Variants in ENPP3 observed in about 807,000 individuals in gnomAD.
ENPP3 encodes ectonucleotide pyrophosphatase/phosphodiesterase family member 3.
ENPP3 carries 104 observed loss-of-function variants against 117.8 expected under a neutral mutation model. That is an observed-to-expected ratio of 0.88 (90% CI 0.75 to 1.04). ENPP3 has a LOEUF of 1.04. Ranked by LOEUF, ENPP3 falls within the 50% of genes least tolerant of loss-of-function variation. ENPP3 has a pLI of 0.00. For synonymous variants in ENPP3, 380 were observed against 349.9 expected, an observed-to-expected ratio of 1.09 and a Z score of -0.96; for missense variants, 1,026 against 1,051.9, an observed-to-expected ratio of 0.98 and a Z score of 0.34.
At chr6:131,656,977 G>T (rs55824194) in intron 5 of ENPP3, among the ~76,000 whole-genome samples, 5,715 of 152,082 alleles carry the variant, frequency 0.038, 178 homozygotes, top group African/African-American at 0.084. Flanking sequence ...AGAGACAAGT[G>T]ACCCTGTCTT....
At chr6:131,725,588 T>A (rs948299805) in intron 19 of ENPP3, among the ~76,000 whole-genome samples, 3 of 152,200 alleles carry the variant, frequency 2.0e-5, no homozygotes, top group Non-Finnish European at 2.9e-5. Context: ...TAGAGACACA[T>A]AAACATTCTG....
chr6:131,639,078 C>A (rs1466063292), intron 1 of ENPP3, among the ~76,000 whole-genome samples: 1 of 151,866 alleles, frequency 6.6e-6, no homozygotes, highest in Non-Finnish European at 1.5e-5. Context: ...TTTAAGGTCA[C>A]CGCTATTCTC....
Position 131,675,168 on chromosome 6 carries a change from C to T in ENPP3, c.851C>T (p.Ser284Phe). The T allele has an allele frequency of 6.2e-7, 1 of 1,605,540 alleles. No individual in the cohort carries two copies. The highest frequency in any genetic ancestry group is 8.5e-7 in the Non-Finnish European group (1 of 1,172,308). Residue 284 changes from serine (S) to phenylalanine (F), a missense_variant, in exon 9 of 25, where the codon TCC (serine) becomes TTC (phenylalanine). Physicochemically the swap from Ser to Phe is radical, Grantham distance 155. Transcript: ENST00000357639. ...GTGGCTATAAATGGCTCCTTTCCTT[C>T]CATATACATGCCTTACAACGGGTAG... is the stretch of plus-strand genomic sequence containing the variant. The part of the protein sequence containing the change: ...SEVAINGSFP[S>F]IYMPYNGSVP...
intron 11 of ENPP3, among the ~76,000 whole-genome samples, chr6:131,679,500 T>C: frequency 6.7e-6 from 1 of 150,290 alleles, no homozygotes; most frequent in East Asian, 2.0e-4. Context: ...TGAGATTAGG[T>C]ACCATGTCCT....
intron 3 of ENPP3, among the ~76,000 whole-genome samples, chr6:131,651,657 G>C (rs1477835366): frequency 6.6e-6 from 1 of 152,178 alleles, no homozygotes; most frequent in Non-Finnish European, 1.5e-5. Flanking sequence ...AATCTGGGAA[G>C]GTGGTGGTGG....
At chr6:131,639,993 C>G (rs1310182932) in intron 1 of ENPP3, among the ~76,000 whole-genome samples, 5 of 151,882 alleles carry the variant, frequency 3.3e-5, no homozygotes, top group Non-Finnish European at 5.9e-5. Flanking sequence ...AATAAATAAG[C>G]CTTTTACTCT....
At chr6:131,720,415 G>C (rs893099088) in intron 17 of ENPP3, 36 bp downstream of exon 17, 2 of 1,108,040 alleles carry the variant, frequency 1.8e-6, no homozygotes, top group East Asian at 2.5e-5. Context: ...AACAAAATAT[G>C]GATAGTTTTA....
chr6:131,671,826 A>G (rs1254266781), intron 7 of ENPP3, among the ~76,000 whole-genome samples: 4 of 152,226 alleles, frequency 2.6e-5, no homozygotes, highest in Admixed American at 2.6e-4. Context: ...AGAATGTGTG[A>G]AAAGTGTATA....
Position 131,733,685 on chromosome 6 carries a change from C to A in ENPP3, c.2051C>A (p.Ala684Glu), listed in dbSNP as rs752566633. The A allele has an allele frequency of 6.2e-7, 1 of 1,614,082 alleles. No individual in the cohort carries two copies. The highest frequency in any genetic ancestry group is 8.5e-7 in the Non-Finnish European group (1 of 1,179,964). The change falls in exon 21 of 25, where the codon GCA becomes GAA. Residue 684 changes from alanine to glutamate, a missense_variant. By Grantham distance (107) the Ala-to-Glu change is moderately radical (BLOSUM62 -1). Transcript: ENST00000357639. ...SESQKCSFYLADKNITHGFLY... is the reference protein window; with the variant it reads ...SESQKCSFYLEDKNITHGFLY... Reference sequence around the variant, plus strand: ...AGCCAAAAATGTTCCTTCTATTTAGCAGACAAGAATATCACCCACGGCTTC... The same window carrying A: ...AGCCAAAAATGTTCCTTCTATTTAGAAGACAAGAATATCACCCACGGCTTC...
chr6:131,679,003 TTCCTTCCTTCCTTCCTTCCTTCC>T (rs1778949360), intron 11 of ENPP3, among the ~76,000 whole-genome samples: 1 of 77,482 alleles, frequency 1.3e-5, no homozygotes, highest in African/African-American at 5.5e-5. Context: ...CCTTCCTTGC[TTCCTTCCTTCCTTCCTTCCTTCC>T]TTCTTTCTTT....
In ENPP3 at chr6:131,738,491, A is replaced by C. The variant is rs963233389; in HGVS notation, c.2300+328A>C. 3.9e-5 allele frequency among the ~76,000 whole-genome samples: 6 copies of C among 152,254 alleles called. No individual in the cohort carries two copies. In the East Asian group the frequency reaches 1.2e-3, roughly 29 times the overall value. The stretch of plus-strand genomic sequence containing the variant: ...TGTACTATCAATGAGTATAAAACCA[A>C]TCCAACAGTAAATGAAAAAAAAGTC... On this transcript the variant is annotated intron_variant, in intron 23 of 24. Coordinates refer to ENST00000357639, the MANE Select transcript of ENPP3 (RefSeq NM_005021.5).
At chr6:131,669,831 C>T (rs1240135966) in intron 6 of ENPP3, among the ~76,000 whole-genome samples, 1 of 152,028 alleles carries the variant, frequency 6.6e-6, no homozygotes, top group Non-Finnish European at 1.5e-5. Flanking sequence ...GGGAAGGAGA[C>T]CAACCCCATG....
At chr6:131,739,879 T>C (rs1780489539) in intron 23 of ENPP3, among the ~76,000 whole-genome samples, 1 of 150,060 alleles carries the variant, frequency 6.7e-6, no homozygotes, top group South Asian at 2.1e-4. Flanking sequence ...AAGACCAGCT[T>C]GGGCAACAAA....
chr6:131,675,056 C>G (rs377543605), intron 8 of ENPP3, 24 bp from the exon 9 acceptor site: 3 of 1,445,436 alleles, frequency 2.1e-6, no homozygotes, highest in Non-Finnish European at 2.9e-6. Flanking sequence ...TACTGACTTT[C>G]GCTTATCCTA....
intron 6 of ENPP3, among the ~76,000 whole-genome samples, chr6:131,661,982 TCATG>T: frequency 6.6e-6 from 1 of 152,220 alleles, no homozygotes; most frequent in East Asian, 1.9e-4. Flanking sequence ...AAGACCAATG[TCATG>T]CAGATTTTCC....
chr6:131,675,025 A>G (rs571903840), intron 8 of ENPP3, 55 bp from the exon 9 acceptor site: 5 of 1,019,350 alleles, frequency 4.9e-6, no homozygotes, highest in Non-Finnish European at 7.8e-6. Context: ...AGTAAGGTAC[A>G]CCATTTCTAC....
At chr6:131,682,947 C>G in intron 11 of ENPP3, 107 bp from the exon 12 acceptor site, 1 of 726,850 alleles carries the variant, frequency 1.4e-6, no homozygotes. Context: ...GTTTCAAAAC[C>G]AGCAATTTCA....
At chr6:131,727,923 C>T (rs1780193498) in intron 20 of ENPP3, among the ~76,000 whole-genome samples, 1 of 152,190 alleles carries the variant, frequency 6.6e-6, no homozygotes. Context: ...ACCTACTCTT[C>T]CTGTTCCAAT....
At position 131,685,478 on chromosome 6, in the gene ENPP3, C is replaced by G; in HGVS notation, c.1235C>G (p.Pro412Arg). Residue 412 changes from proline to arginine, a missense_variant, in exon 13 of 25, where the codon CCT (proline) becomes CGT (arginine). Coordinates refer to ENST00000357639, the MANE Select transcript of ENPP3 (RefSeq NM_005021.5). Reference sequence around the variant, plus strand: ...CCCCGCATCCGAGCTCATAATATACCTCATGACTTTTTTAGTTGTAAGTAT... The same window carrying G: ...CCCCGCATCCGAGCTCATAATATACGTCATGACTTTTTTAGTTGTAAGTAT... ...PAPRIRAHNIPHDFFSFNSEE... is the reference protein window; with the variant it reads ...PAPRIRAHNIRHDFFSFNSEE... 1 of 1,613,384 alleles carries G rather than the reference C, an allele frequency of 6.2e-7. No homozygotes were observed. The highest frequency in any genetic ancestry group is 8.5e-7 in the Non-Finnish European group (1 of 1,179,782).
Sources: gnomAD v4.1 joint callset for allele counts (sites outside exome capture counted in the v4.1 genomes callset) on GRCh38, gnomAD v4.1.1 for gene constraint, MANE v1.5 for transcripts, NCBI Gene and HGNC (gene_info 2026-07-23, HGNC 2026-07-21) for gene names.